DAB1: variants seen among roughly 807,000 people sequenced by gnomAD.
The protein encoded by DAB1 is DAB adaptor protein 1.
A neutral mutation model predicts 64.6 loss-of-function variants in DAB1; 15 were observed. That is an observed-to-expected ratio of 0.23 (90% CI 0.16 to 0.36). The LOEUF (loss-of-function observed/expected upper bound fraction) is 0.36, where lower values mean the gene tolerates loss of function less well. DAB1 is among the 10% of genes least tolerant of loss of function. The pLI, the probability that DAB1 is intolerant of heterozygous loss-of-function variation, is 1.00. For missense variants in DAB1, 596 were observed against 706.7 expected, an observed-to-expected ratio of 0.84 and a Z score of 1.78; for synonymous variants, 235 against 251.9, an observed-to-expected ratio of 0.93 and a Z score of 0.64.
chr1:57,958,167 G>A (rs573289134), intron 5 of DAB1, among the ~76,000 whole-genome samples: 10 of 152,038 alleles, frequency 6.6e-5, no homozygotes, highest in Admixed American at 2.6e-4. Context: ...TAGTAGAGAC[G>A]GGGTTTCACC....
chr1:57,954,221 G>C (rs191338440), intron 5 of DAB1, among the ~76,000 whole-genome samples: 1 of 152,176 alleles, frequency 6.6e-6, no homozygotes, highest in Admixed American at 6.6e-5. Flanking sequence ...GGTCTTTTCA[G>C]CACTTTCCCT....
intron 5 of DAB1, among the ~76,000 whole-genome samples, chr1:57,921,756 A>G (rs576036969): frequency 1.3e-5 from 2 of 152,016 alleles, no homozygotes; most frequent in East Asian, 3.9e-4. Context: ...AAAACCTGTC[A>G]AAGCAGGAAA....
intron 5 of DAB1, chr1:58,048,307 C>T (rs1647378054): frequency 4.2e-6 from 5 of 1,201,814 alleles, no homozygotes; most frequent in South Asian, 2.4e-5. Context: ...AATCTCCCCC[C>T]TTCATGGGTC....
At chr1:58,489,703 G>C (rs1402241399) in intron 3 of DAB1, among the ~76,000 whole-genome samples, 6 of 152,172 alleles carry the variant, frequency 3.9e-5, no homozygotes, top group African/African-American at 1.2e-4. Flanking sequence ...AGTAGGGGCA[G>C]ACTGACACCT....
intron 3 of DAB1, among the ~76,000 whole-genome samples, chr1:58,391,001 C>G (rs896912066): frequency 6.6e-6 from 1 of 152,152 alleles, no homozygotes; most frequent in African/African-American, 2.4e-5. Flanking sequence ...TGAAAATTAT[C>G]CTGGGAGGTA....
At chr1:57,940,014 C>A (rs906501855) in intron 5 of DAB1, among the ~76,000 whole-genome samples, 3 of 152,150 alleles carry the variant, frequency 2.0e-5, no homozygotes, top group Admixed American at 6.5e-5. Context: ...AATATGACTG[C>A]GATTTTTACA....
At chr1:57,624,043 G>A (rs1010458223) in intron 7 of DAB1, among the ~76,000 whole-genome samples, 6 of 152,146 alleles carry the variant, frequency 3.9e-5, no homozygotes, top group African/African-American at 9.7e-5. Flanking sequence ...GTCTCTCTGG[G>A]GACCCCAGGC....
intron 4 of DAB1, among the ~76,000 whole-genome samples, chr1:58,320,900 A>G (rs1381762449): frequency 6.6e-6 from 1 of 152,184 alleles, no homozygotes; most frequent in East Asian, 1.9e-4. Context: ...GAGGAAAGAA[A>G]AAAAGCCAGC....
At chr1:58,480,965 T>C (rs945007968) in intron 3 of DAB1, 2 of 860,958 alleles carry the variant, frequency 2.3e-6, no homozygotes, top group Non-Finnish European at 4.0e-6. Context: ...AAATTTTAAT[T>C]CAACTGCCCG....
intron 3 of DAB1, among the ~76,000 whole-genome samples, chr1:58,383,052 A>G (rs573169437): frequency 1.6e-4 from 25 of 152,382 alleles, no homozygotes; most frequent in African/African-American, 6.0e-4. Flanking sequence ...GCAAAGAGTT[A>G]CAAGAGCATA....
chr1:57,450,984 C>G (rs1686328234), intron 7 of DAB1, among the ~76,000 whole-genome samples: 1 of 152,212 alleles, frequency 6.6e-6, no homozygotes, highest in African/African-American at 2.4e-5. Flanking sequence ...CTTTTATGCT[C>G]TTAAAACAAT....
chr1:58,534,764 G>A (rs6682661), intron 1 of DAB1, among the ~76,000 whole-genome samples: 17,725 of 151,916 alleles, frequency 0.12, 1,234 homozygotes, highest in African/African-American at 0.19. Context: ...GTGAAACCCC[G>A]TCTCTACCGA....
intron 2 of DAB1, among the ~76,000 whole-genome samples, chr1:57,157,511 G>A (rs184012186): frequency 2.0e-5 from 3 of 152,190 alleles, no homozygotes; most frequent in Non-Finnish European, 1.5e-5. Context: ...TTCCTGGCTT[G>A]CAGATTGCCA....
At chr1:58,497,251 G>A (rs1394431502) in intron 3 of DAB1, among the ~76,000 whole-genome samples, 2 of 152,172 alleles carry the variant, frequency 1.3e-5, no homozygotes, top group African/African-American at 2.4e-5. Context: ...GGGGGGTACT[G>A]TCCTAAAGTC....
chr1:57,660,794 C>T (rs1220401532), intron 6 of DAB1, among the ~76,000 whole-genome samples: 1 of 152,206 alleles, frequency 6.6e-6, no homozygotes, highest in Non-Finnish European at 1.5e-5. Context: ...CTCCTTGCTT[C>T]AATTTGGCAC....
intron 6 of DAB1, among the ~76,000 whole-genome samples, chr1:57,696,717 C>A (rs1432821789): frequency 6.6e-6 from 1 of 152,192 alleles, no homozygotes; most frequent in East Asian, 1.9e-4. Flanking sequence ...CAAGCGTGAT[C>A]TTACCCTTTC....
At chr1:57,068,471 G>A (rs954032990) in intron 8 of DAB1, among the ~76,000 whole-genome samples, 5 of 152,150 alleles carry the variant, frequency 3.3e-5, no homozygotes, top group Admixed American at 3.3e-4. Context: ...TTGAAAATAT[G>A]TTTTACTTTT....
At chr1:58,475,653 C>T (rs924489899) in intron 3 of DAB1, among the ~76,000 whole-genome samples, 4 of 152,116 alleles carry the variant, frequency 2.6e-5, no homozygotes, top group Non-Finnish European at 4.4e-5. Context: ...TCTCACAGCC[C>T]AGATGAAGAC....
chr1:58,190,444 C>A (rs183285162), intron 4 of DAB1, among the ~76,000 whole-genome samples: 34 of 152,314 alleles, frequency 2.2e-4, no homozygotes, highest in African/African-American at 8.2e-4. Context: ...ATAGGTTACA[C>A]TCTGACTAGT....
Sources: allele counts gnomAD v4.1 joint callset (sites outside exome capture counted in the v4.1 genomes callset), GRCh38; gene constraint gnomAD v4.1.1; transcripts MANE v1.5; gene names NCBI Gene and HGNC (gene_info 2026-07-23, HGNC 2026-07-21).